The following AGBL1 variants were observed in gnomAD, a reference collection of about 807,000 sequenced individuals.
AGBL1 encodes cytosolic carboxypeptidase 4.
A neutral mutation model predicts 118.9 loss-of-function variants in AGBL1; 130 were observed. The ratio of observed to expected loss-of-function variants is 1.09; its 90% CI spans 0.95 to 1.26. The LOEUF (loss-of-function observed/expected upper bound fraction) is 1.26. Ranked by LOEUF, AGBL1 falls within the 50% of genes most tolerant of loss-of-function variation. The pLI, the probability that AGBL1 is intolerant of heterozygous loss-of-function variation, is 0.00. For missense variants in AGBL1, 1,584 were observed against 1,298.1 expected (o/e 1.22, Z -3.38); for synonymous variants, 555 against 478.9 (o/e 1.16, Z -2.08).
At chr15:86,244,110 C>G (rs1048294051) in intron 6 of AGBL1, among the ~76,000 whole-genome samples, 1 of 150,354 alleles carries the variant, frequency 6.7e-6, no homozygotes, top group African/African-American at 2.4e-5. Flanking sequence ...TAAATAGACA[C>G]TAATCTATTT....
At chr15:86,743,453 T>G (rs2077709162) in intron 22 of AGBL1, among the ~76,000 whole-genome samples, 2 of 152,018 alleles carry the variant, frequency 1.3e-5, no homozygotes, top group African/African-American at 4.8e-5. Flanking sequence ...TTTCCCCTCT[T>G]AGTAGGCTGA....
chr15:86,103,858 A>G (rs200685146), intron 1 of AGBL1, among the ~76,000 whole-genome samples: 108 of 152,288 alleles, frequency 7.1e-4, no homozygotes, highest in African/African-American at 2.4e-3. Context: ...ACTTGCTCAG[A>G]TGCAAGCAAT....
intron 22 of AGBL1, among the ~76,000 whole-genome samples, chr15:86,711,073 A>G (rs1340381444): frequency 6.6e-6 from 1 of 152,142 alleles, no homozygotes; most frequent in African/African-American, 2.4e-5. Flanking sequence ...ATAGGACTCT[A>G]GGGAGTTTGG....
At chr15:86,924,988 G>A (rs182677223) in intron 23 of AGBL1, among the ~76,000 whole-genome samples, 10 of 151,842 alleles carry the variant, frequency 6.6e-5, no homozygotes, top group Admixed American at 4.6e-4. Flanking sequence ...TGTAGTCCCA[G>A]CTAATCGGGA....
intron 18 of AGBL1, 73 bp downstream of exon 18, chr15:86,397,619 G>T (rs28574679): frequency 0.023 from 32,393 of 1,429,558 alleles, 975 homozygotes; most frequent in African/African-American, 0.14. Flanking sequence ...CACCAAGTAG[G>T]CGTGATTGGA....
chr15:86,263,008 T>C (rs79978264), intron 10 of AGBL1, 114 bp downstream of exon 10: 11,101 of 765,628 alleles, frequency 0.014, 110 homozygotes, highest in Non-Finnish European at 0.019. Flanking sequence ...ATTAGCCATA[T>C]GCTTCTGGGC....
chr15:86,236,702 T>C (rs1016382897), intron 6 of AGBL1, among the ~76,000 whole-genome samples: 1 of 151,332 alleles, frequency 6.6e-6, no homozygotes, highest in Non-Finnish European at 1.5e-5. Flanking sequence ...AGCCTCCCCA[T>C]ACAGAGACAG....
intron 23 of AGBL1, among the ~76,000 whole-genome samples, chr15:86,967,251 A>G (rs1475788285): frequency 2.0e-5 from 3 of 152,108 alleles, no homozygotes; most frequent in African/African-American, 4.8e-5. Flanking sequence ...AGTAGGTTGC[A>G]AAAATTTCCT....
chr15:86,811,838 A>G (rs901552980), intron 22 of AGBL1, among the ~76,000 whole-genome samples: 4 of 152,230 alleles, frequency 2.6e-5, no homozygotes, highest in East Asian at 3.9e-4. Context: ...ATAAAAAAAC[A>G]CACAAGTCAA....
chr15:86,840,649 TAGC>T (rs2079232275), intron 22 of AGBL1, among the ~76,000 whole-genome samples: 1 of 152,038 alleles, frequency 6.6e-6, no homozygotes, highest in African/African-American at 2.4e-5. Context: ...TTCACCATGT[TAGC>T]CAGGCTCAAA....
intron 21 of AGBL1, among the ~76,000 whole-genome samples, chr15:86,561,637 G>A (rs1047329507): frequency 7.9e-5 from 12 of 152,172 alleles, no homozygotes; most frequent in African/African-American, 2.9e-4. Flanking sequence ...GGCAATGCGG[G>A]CTCTTTTTTG....
intron 21 of AGBL1, among the ~76,000 whole-genome samples, chr15:86,604,502 C>T (rs145649416): frequency 6.6e-6 from 1 of 152,168 alleles, no homozygotes; most frequent in Non-Finnish European, 1.5e-5. Flanking sequence ...ATTTACTCCT[C>T]AGTTAACTCT....
intron 22 of AGBL1, among the ~76,000 whole-genome samples, chr15:86,821,331 AAT>A (rs2078940949): frequency 6.6e-6 from 1 of 152,194 alleles, no homozygotes; most frequent in Non-Finnish European, 1.5e-5. Flanking sequence ...TATAATAATA[AAT>A]AAAATAAACA....
intron 18 of AGBL1, among the ~76,000 whole-genome samples, chr15:86,408,902 G>T (rs1435478803): frequency 1.3e-5 from 2 of 152,152 alleles, no homozygotes. Context: ...AAAAAAAGTA[G>T]GGGTGGAGGT....
At chr15:86,286,648 C>T (rs944358045) in intron 16 of AGBL1, among the ~76,000 whole-genome samples, 2 of 149,466 alleles carry the variant, frequency 1.3e-5, no homozygotes, top group African/African-American at 2.5e-5. Flanking sequence ...GAATTTCCTG[C>T]TTTTTAAGAC....
chr15:86,892,354 A>G (rs1380182219), intron 22 of AGBL1, among the ~76,000 whole-genome samples: 2 of 152,132 alleles, frequency 1.3e-5, no homozygotes, highest in African/African-American at 2.4e-5. Flanking sequence ...AGAGCTCTAG[A>G]TCATGTAACA....
At chr15:86,166,861 T>C (rs1157504015) in intron 5 of AGBL1, among the ~76,000 whole-genome samples, 1 of 152,184 alleles carries the variant, frequency 6.6e-6, no homozygotes, top group Non-Finnish European at 1.5e-5. Flanking sequence ...CTTCATATCC[T>C]GGGGAGGCCT....
intron 1 of AGBL1, among the ~76,000 whole-genome samples, chr15:86,117,458 G>T (rs767148619): frequency 1.3e-5 from 2 of 152,068 alleles, no homozygotes; most frequent in Admixed American, 1.3e-4. Flanking sequence ...TGTGACTATT[G>T]TGTTGAGCAA....
intron 21 of AGBL1, among the ~76,000 whole-genome samples, chr15:86,567,089 C>A (rs191737196): frequency 6.6e-6 from 1 of 152,274 alleles, no homozygotes; most frequent in Admixed American, 6.5e-5. Context: ...TTAACAGGAT[C>A]ATTAATGGTG....
Sources: gnomAD v4.1 joint callset for allele counts (sites outside exome capture counted in the v4.1 genomes callset) on GRCh38, gnomAD v4.1.1 for gene constraint, MANE v1.5 for transcripts, NCBI Gene and HGNC (gene_info 2026-07-23, HGNC 2026-07-21) for gene names.